ERBB4: variants seen among roughly 807,000 people sequenced by gnomAD.
ERBB4 encodes receptor tyrosine-protein kinase erbB-4.
In ERBB4, 42 loss-of-function variants were observed where a neutral mutation model predicts 158.0. The ratio of observed to expected loss-of-function variants is 0.27; its 90% CI spans 0.21 to 0.34. The LOEUF is 0.34. Among genes scored for constraint, ERBB4 ranks in the 10% least tolerant of loss-of-function variants. The probability of loss-of-function intolerance (pLI) is 1.00; values close to 1 mark genes in which losing one functional copy is unlikely to be tolerated. For missense variants in ERBB4, 1,333 were observed against 1,624.1 expected (o/e 0.82, Z 3.08); for synonymous variants, 583 against 558.7 (o/e 1.04, Z -0.61).
chr2:212,232,502 G>A (rs1306379111), intron 1 of ERBB4, among the ~76,000 whole-genome samples: 1 of 152,128 alleles, frequency 6.6e-6, no homozygotes, highest in Non-Finnish European at 1.5e-5. Flanking sequence ...TCTGTCTCCT[G>A]TGTTCAAGCG....
intron 19 of ERBB4, among the ~76,000 whole-genome samples, chr2:211,568,600 G>A (rs1829618): frequency 0.27 from 41,010 of 151,986 alleles, 7,259 homozygotes; most frequent in African/African-American, 0.5. Flanking sequence ...CTGTTTCATT[G>A]TATCTATGGA....
At chr2:211,852,446 A>C (rs2106037262) in intron 3 of ERBB4, among the ~76,000 whole-genome samples, 1 of 152,054 alleles carries the variant, frequency 6.6e-6, no homozygotes, top group South Asian at 2.1e-4. Flanking sequence ...GTATTATTTT[A>C]GTCTACTGCA....
Position 211,386,936 on chromosome 2 carries a change from G to A in ERBB4, c.3398C>T (p.Thr1133Ile), listed in dbSNP as rs1440155027. Reference sequence around the variant, plus strand: ...TGGGCTCCGTTCTGGGGCAAACACGGTGGGGTCAGCACTGTACCTCTGGGT... The same window carrying A: ...TGGGCTCCGTTCTGGGGCAAACACGATGGGGTCAGCACTGTACCTCTGGGT... The part of the protein sequence containing the change: ...SSTQRYSADP[T>I]VFAPERSPRG... Residue 1133 changes from threonine to isoleucine, a missense_variant, in exon 27 of 28, where the codon ACC (threonine) becomes ATC (isoleucine). Transcript: ENST00000342788. The A allele has an allele frequency of 1.2e-6, 2 of 1,614,172 alleles. No homozygotes were observed. The highest frequency in any genetic ancestry group is 1.7e-6 in the Non-Finnish European group (2 of 1,180,004).
chr2:212,105,813 G>A (rs1282181245), intron 2 of ERBB4, among the ~76,000 whole-genome samples: 1 of 152,116 alleles, frequency 6.6e-6, no homozygotes, highest in Admixed American at 6.5e-5. Flanking sequence ...ATTTAAACAT[G>A]GTGGAGGGTC....
intron 7 of ERBB4, among the ~76,000 whole-genome samples, chr2:211,717,596 G>A (rs529669195): frequency 2.5e-4 from 38 of 152,224 alleles, no homozygotes; most frequent in South Asian, 2.1e-3. Context: ...TTGGGAGGCC[G>A]AGGGAGGTGG....
chr2:212,516,863 C>A (rs1042332379), intron 1 of ERBB4, among the ~76,000 whole-genome samples: 3 of 152,006 alleles, frequency 2.0e-5, no homozygotes, highest in African/African-American at 7.2e-5. Flanking sequence ...CTATGCAAGG[C>A]CTGTGAGGTA....
At chr2:211,745,161 T>C (rs1247362922) in intron 5 of ERBB4, among the ~76,000 whole-genome samples, 1 of 152,132 alleles carries the variant, frequency 6.6e-6, no homozygotes, top group Non-Finnish European at 1.5e-5. Flanking sequence ...TCAGTGGAAA[T>C]CTAGAGAAAG....
chr2:211,403,096 A>T (rs961350600), intron 25 of ERBB4, among the ~76,000 whole-genome samples: 3 of 151,890 alleles, frequency 2.0e-5, no homozygotes, highest in Non-Finnish European at 4.4e-5. Context: ...AAGAGGCTCC[A>T]CCTCTACTCT....
intron 2 of ERBB4, among the ~76,000 whole-genome samples, chr2:212,071,108 G>A (rs562869011): frequency 2.6e-5 from 4 of 151,864 alleles, no homozygotes; most frequent in Non-Finnish European, 4.4e-5. Context: ...GAAGAGGGGG[G>A]TGTTACAAAA....
At chr2:212,530,961 T>C (rs1692724537) in intron 1 of ERBB4, among the ~76,000 whole-genome samples, 1 of 152,232 alleles carries the variant, frequency 6.6e-6, no homozygotes, top group Non-Finnish European at 1.5e-5. Context: ...TCTTGAGTCC[T>C]TTTAATTTAA....
chr2:212,340,080 G>A (rs2088632532), intron 1 of ERBB4, among the ~76,000 whole-genome samples: 1 of 149,930 alleles, frequency 6.7e-6, no homozygotes. Flanking sequence ...TCTCACTCTG[G>A]GCTGAAGTGC....
chr2:211,878,657 G>GTTTTTTTT (rs56379006), intron 3 of ERBB4, among the ~76,000 whole-genome samples: 5 of 133,882 alleles, frequency 3.7e-5, no homozygotes, highest in Non-Finnish European at 6.1e-5. Context: ...ATTAAGTTTT[G>GTTTTTTTT]TTTTTTTTTT....
At chr2:211,583,917 A>G (rs1391609123) in intron 19 of ERBB4, among the ~76,000 whole-genome samples, 1 of 151,078 alleles carries the variant, frequency 6.6e-6, no homozygotes, top group Admixed American at 6.6e-5. Flanking sequence ...CTTTAATAGT[A>G]CAATTCAAAC....
intron 1 of ERBB4, among the ~76,000 whole-genome samples, chr2:212,463,906 A>C (rs780261721): frequency 6.6e-6 from 1 of 152,280 alleles, no homozygotes; most frequent in African/African-American, 2.4e-5. Flanking sequence ...AATAAAAGGA[A>C]GGGTAACTGA....
chr2:212,191,803 A>C (rs575611922), intron 1 of ERBB4, among the ~76,000 whole-genome samples: 1 of 138,044 alleles, frequency 7.2e-6, no homozygotes, highest in African/African-American at 2.6e-5. Flanking sequence ...TATATGTTAT[A>C]TATAATACAT....
At chr2:212,327,162 T>C (rs2087882872) in intron 1 of ERBB4, among the ~76,000 whole-genome samples, 1 of 150,750 alleles carries the variant, frequency 6.6e-6, no homozygotes, top group Admixed American at 6.6e-5. Flanking sequence ...GGTTACATGA[T>C]AAACACTCAT....
At chr2:212,121,879 T>C (rs907174103) in intron 2 of ERBB4, among the ~76,000 whole-genome samples, 2 of 152,166 alleles carry the variant, frequency 1.3e-5, no homozygotes, top group African/African-American at 4.8e-5. Context: ...CTCTTGAGTT[T>C]CTGTTCATTT....
intron 19 of ERBB4, among the ~76,000 whole-genome samples, chr2:211,586,907 C>T (rs2068297910): frequency 6.6e-6 from 1 of 152,058 alleles, no homozygotes; most frequent in Non-Finnish European, 1.5e-5. Flanking sequence ...AATGATGTCT[C>T]CCAAGAAAAA....
chr2:211,621,064 G>A (rs1314471539), intron 18 of ERBB4, among the ~76,000 whole-genome samples: 1 of 152,094 alleles, frequency 6.6e-6, no homozygotes, highest in Non-Finnish European at 1.5e-5. Flanking sequence ...ACGGTGAACT[G>A]TGATTAAACC....
Sources: allele counts gnomAD v4.1 joint callset (sites outside exome capture counted in the v4.1 genomes callset), GRCh38; gene constraint gnomAD v4.1.1; transcripts MANE v1.5; gene names NCBI Gene and HGNC (gene_info 2026-07-23, HGNC 2026-07-21).